The following TCERG1L variants were observed in gnomAD, a reference collection of about 807,000 sequenced individuals.
The protein encoded by TCERG1L is transcription elongation regulator 1 like, also known as transcription elongation regulator 1-like protein.
TCERG1L carries 37 observed loss-of-function variants against 56.3 expected under a neutral mutation model. The ratio of observed to expected loss-of-function variants is 0.66; its 90% CI spans 0.51 to 0.87. TCERG1L has a LOEUF of 0.87. Ranked by LOEUF, TCERG1L falls within the 40% of genes least tolerant of loss-of-function variation. TCERG1L has a pLI of 0.00. For missense variants in TCERG1L, 799 were observed against 774.2 expected (o/e 1.03, Z -0.38); for synonymous variants, 324 against 326.3 (o/e 0.99, Z 0.08).
At chr10:131,135,149 C>A (rs1028052165) in intron 7 of TCERG1L, among the ~76,000 whole-genome samples, 3 of 152,106 alleles carry the variant, frequency 2.0e-5, no homozygotes, top group Non-Finnish European at 4.4e-5. Flanking sequence ...TCATCCAGAC[C>A]AAAAATTTTT....
intron 10 of TCERG1L, among the ~76,000 whole-genome samples, chr10:131,102,261 A>G (rs1282277331): frequency 6.6e-6 from 1 of 152,174 alleles, no homozygotes; most frequent in Non-Finnish European, 1.5e-5. Flanking sequence ...TCTGTATTCC[A>G]AGGCAGTCAA....
chr10:131,116,772 T>C (rs1277891900), intron 9 of TCERG1L, 27 bp downstream of exon 9: 3 of 1,546,730 alleles, frequency 1.9e-6, no homozygotes, highest in African/African-American at 1.4e-5. Context: ...GCCGTAGGAG[T>C]GCAGCCCCTC....
chr10:131,238,778 G>A (rs1459350790), intron 4 of TCERG1L, among the ~76,000 whole-genome samples: 1 of 152,220 alleles, frequency 6.6e-6, no homozygotes, highest in Non-Finnish European at 1.5e-5. Flanking sequence ...CGCGGGCAGA[G>A]CTGAAGGGGA....
At chr10:131,257,054 A>AAAGAAAGAAAGAAAGG (rs1336988347) in intron 4 of TCERG1L, among the ~76,000 whole-genome samples, 9 of 135,386 alleles carry the variant, frequency 6.6e-5, no homozygotes, top group Admixed American at 3.7e-4. Flanking sequence ...AGAAAGAAAG[A>AAAGAAAGAAAGAAAGG]AAAGAAAGAA....
chr10:131,261,036 G>A (rs949513200), intron 3 of TCERG1L, among the ~76,000 whole-genome samples: 1 of 152,102 alleles, frequency 6.6e-6, no homozygotes, highest in African/African-American at 2.4e-5. Context: ...GCTCAGCTGG[G>A]CCCTGCAGGG....
At chr10:131,133,098 T>G (rs1280494277) in intron 8 of TCERG1L, among the ~76,000 whole-genome samples, 1 of 152,208 alleles carries the variant, frequency 6.6e-6, no homozygotes, top group Non-Finnish European at 1.5e-5. Flanking sequence ...CTACGTGTTT[T>G]GTTCATGGCT....
chr10:131,152,581 T>G (rs1346143799), intron 6 of TCERG1L, among the ~76,000 whole-genome samples: 1 of 152,198 alleles, frequency 6.6e-6, no homozygotes, highest in African/African-American at 2.4e-5. Context: ...TTTTGCTATC[T>G]TTTTCTGAGC....
At chr10:131,303,805 A>T (rs1353852745) in intron 3 of TCERG1L, among the ~76,000 whole-genome samples, 1 of 151,858 alleles carries the variant, frequency 6.6e-6, no homozygotes. Context: ...CATTTCCTCA[A>T]ACTGTCTTTT....
chr10:131,290,588 G>A (rs4581363), intron 3 of TCERG1L, among the ~76,000 whole-genome samples: 9 of 139,508 alleles, frequency 6.5e-5, no homozygotes, highest in Non-Finnish European at 1.3e-4. Context: ...CTGAGATCGC[G>A]CCATTGCACT....
At chr10:131,213,889 T>C (rs1488736373) in intron 4 of TCERG1L, among the ~76,000 whole-genome samples, 1 of 152,140 alleles carries the variant, frequency 6.6e-6, no homozygotes, top group Non-Finnish European at 1.5e-5. Flanking sequence ...CAGGAAACCC[T>C]GTGTTTCCCA....
At chr10:131,206,245 AG>A (rs2133482122) in intron 4 of TCERG1L, among the ~76,000 whole-genome samples, 1 of 152,344 alleles carries the variant, frequency 6.6e-6, no homozygotes, top group African/African-American at 2.4e-5. Flanking sequence ...GGTCACCAGA[AG>A]GGCTGGTCCT....
At position 131,111,571 on chromosome 10, in the gene TCERG1L, A is replaced by G. The variant is rs1845413576; in HGVS notation, c.1395+5228T>C. ...TTTTCCTTCTGGCTTTTATGAGTGC[A>G]AACGTCCTAAGGAAGGAAGCAATCT... On this transcript the variant is annotated intron_variant, in intron 9 of 11. Transcript: ENST00000368642. Among the ~76,000 whole-genome samples the G allele has an allele frequency of 1.4e-5, 2 of 142,730 alleles. 1 individual carries two copies. Among genetic ancestry groups the G allele is most frequent in the Non-Finnish European group, 3.2e-5 (2 of 63,450 alleles). 93.6% of individuals were successfully genotyped at this position (142,730 alleles called of 152,430 possible).
At chr10:131,128,936 A>T (rs570986631) in intron 8 of TCERG1L, among the ~76,000 whole-genome samples, 1 of 152,300 alleles carries the variant, frequency 6.6e-6, no homozygotes, top group South Asian at 2.1e-4. Context: ...AGATTTACCA[A>T]AAATACAGGG....
intron 4 of TCERG1L, among the ~76,000 whole-genome samples, chr10:131,219,156 T>G (rs1845704131): frequency 6.6e-6 from 1 of 152,158 alleles, no homozygotes; most frequent in Admixed American, 6.5e-5. Context: ...CTCCCTGGCC[T>G]GGCTCTGCCC....
At chr10:131,297,230 T>C (rs1252378901) in intron 3 of TCERG1L, among the ~76,000 whole-genome samples, 1 of 152,246 alleles carries the variant, frequency 6.6e-6, no homozygotes. Context: ...GGAAGTCCCC[T>C]TTAATTCTTA....
chr10:131,284,894 A>G (rs1019100558), intron 3 of TCERG1L, among the ~76,000 whole-genome samples: 1 of 152,198 alleles, frequency 6.6e-6, no homozygotes, highest in African/African-American at 2.4e-5. Context: ...TCAGTAGTTA[A>G]AAACCTTTCC....
intron 7 of TCERG1L, among the ~76,000 whole-genome samples, chr10:131,137,898 TG>T (rs1477803844): frequency 6.6e-6 from 1 of 152,050 alleles, no homozygotes; most frequent in East Asian, 1.9e-4. Flanking sequence ...GCCGTCAAGC[TG>T]TAGGGGGATT....
chr10:131,291,397 ATTTCTTTT>A (rs1846621549), intron 3 of TCERG1L, among the ~76,000 whole-genome samples: 4 of 60,178 alleles, frequency 6.6e-5, no homozygotes, highest in Admixed American at 2.3e-4. Flanking sequence ...CATAAACAGC[ATTTCTTTT>A]TTTTTTTTTT....
chr10:131,120,796 G>C (rs1845505197), intron 8 of TCERG1L, among the ~76,000 whole-genome samples: 1 of 152,218 alleles, frequency 6.6e-6, no homozygotes, highest in South Asian at 2.1e-4. Context: ...GATTCAGTGA[G>C]ATGGTCCACA....
Sources: gnomAD v4.1 joint callset for allele counts (sites outside exome capture counted in the v4.1 genomes callset) on GRCh38, gnomAD v4.1.1 for gene constraint, MANE v1.5 for transcripts, NCBI Gene and HGNC (gene_info 2026-07-23, HGNC 2026-07-21) for gene names.